FCHO2: variants seen among roughly 807,000 people sequenced by gnomAD.
The protein encoded by FCHO2 is FCH and mu domain containing endocytic adaptor 2.
In FCHO2, 43 loss-of-function variants were observed where a neutral mutation model predicts 114.1. The ratio of observed to expected loss-of-function variants is 0.38; its 90% CI spans 0.30 to 0.49. The LOEUF is 0.49. Ranked by LOEUF, FCHO2 falls within the 20% of genes least tolerant of loss-of-function variation. The pLI, the probability that FCHO2 is intolerant of heterozygous loss-of-function variation, is 0.97. For missense variants in FCHO2, 807 were observed against 950.4 expected (o/e 0.85, Z 1.98); for synonymous variants, 293 against 315.2 (o/e 0.93, Z 0.75).
intron 8 of FCHO2, chr5:73,020,900 T>A (rs1755581501): frequency 8.1e-7 from 1 of 1,240,722 alleles, no homozygotes; most frequent in African/African-American, 1.5e-5. Context: ...CGGGAGAGCT[T>A]ATCATCTTTA....
rs1276323488 is a variant in FCHO2 at position 73,090,137 on chromosome 5, T to C, written c.*2047T>C. 6.6e-6 allele frequency: 1 copy of C among 152,618 alleles called. No homozygotes were observed. The highest frequency in any genetic ancestry group is 2.4e-5 in the African/African-American group (1 of 41,460). 9.5% of individuals were successfully genotyped at this position (152,618 alleles called of 1,614,324 possible). On this transcript the variant is annotated 3_prime_UTR_variant, in exon 26 of 26. Coordinates refer to ENST00000430046, the MANE Select transcript of FCHO2 (RefSeq NM_138782.3). ...GTGAAATGGTTAAACTTCTGCACTT[T>C]CTTAGTTACCACAGTCTTCATACCA...
intron 10 of FCHO2, chr5:73,038,218 A>G (rs1735465222): frequency 6.6e-6 from 1 of 152,316 alleles, no homozygotes; most frequent in African/African-American, 2.4e-5. Context: ...AAATAAATAC[A>G]CCTATGCCAG....
At chr5:73,045,033 C>T (rs1408475773) in intron 11 of FCHO2, among the ~76,000 whole-genome samples, 3 of 152,146 alleles carry the variant, frequency 2.0e-5, no homozygotes, top group African/African-American at 7.2e-5. Flanking sequence ...AGAATCACTG[C>T]TTTTAAGAAA....
intron 17 of FCHO2, 35 bp from the exon 18 acceptor site, chr5:73,063,806 G>T: frequency 6.4e-7 from 1 of 1,569,484 alleles, no homozygotes; most frequent in South Asian, 1.1e-5. Context: ...ACATACTAAT[G>T]ATTTTCTTCA....
At chr5:73,082,325 T>C (rs1293262232) in intron 23 of FCHO2, among the ~76,000 whole-genome samples, 1 of 151,468 alleles carries the variant, frequency 6.6e-6, no homozygotes, top group Admixed American at 6.6e-5. Context: ...ATCTGGCAAG[T>C]CTATAGGAAC....
intron 11 of FCHO2, among the ~76,000 whole-genome samples, chr5:73,048,967 C>T (rs372084027): frequency 2.1e-4 from 31 of 149,256 alleles, no homozygotes; most frequent in African/African-American, 6.4e-4. Flanking sequence ...AGCTCCGCCT[C>T]CCGGGTTCAC....
intron 8 of FCHO2, among the ~76,000 whole-genome samples, chr5:73,021,992 T>G (rs1755654298): frequency 6.6e-6 from 1 of 152,180 alleles, no homozygotes; most frequent in Non-Finnish European, 1.5e-5. Flanking sequence ...ATGAGGGAAA[T>G]GTTCAGAGGT....
chr5:73,024,599 T>G (rs1755816907), intron 8 of FCHO2, among the ~76,000 whole-genome samples: 2 of 151,826 alleles, frequency 1.3e-5, no homozygotes, highest in African/African-American at 4.8e-5. Flanking sequence ...CCACCACACC[T>G]GGCTAATTTT....
intron 2 of FCHO2, among the ~76,000 whole-genome samples, chr5:72,980,530 A>G (rs533608314): frequency 1.1e-4 from 17 of 152,208 alleles, no homozygotes; most frequent in African/African-American, 3.9e-4. Flanking sequence ...TTACCTGTCT[A>G]ATATTGACAG....
chr5:72,979,304 G>A (rs890250953), intron 2 of FCHO2, among the ~76,000 whole-genome samples: 57 of 146,596 alleles, frequency 3.9e-4, no homozygotes, highest in African/African-American at 1.3e-3. Context: ...TTATCGATCT[G>A]TCCAGGGATT....
At chr5:73,001,845 A>G (rs1394333872) in intron 5 of FCHO2, among the ~76,000 whole-genome samples, 1 of 151,744 alleles carries the variant, frequency 6.6e-6, no homozygotes, top group Non-Finnish European at 1.5e-5. Context: ...AGGCTAAAGT[A>G]CTTGAGCCCA....
In FCHO2 at chr5:72,990,503, T is replaced by C; in HGVS notation, c.226T>C (p.Phe76Leu). ...AACATTTGCACCAGTATGGGATGTA[T>C]TCAAAACATCTACAGAGAAATTAGC... Reference protein sequence around the residue: ...LGTFAPVWDVFKTSTEKLANC... With the variant: ...LGTFAPVWDVLKTSTEKLANC... Residue 76 changes from phenylalanine to leucine, a missense_variant, in exon 4 of 26, where the codon TTC becomes CTC. By Grantham distance (22) the Phe-to-Leu change is conservative (BLOSUM62 0). Transcript: ENST00000430046. 1 of 1,529,054 alleles carries C rather than the reference T, an allele frequency of 6.5e-7. No individual in the cohort carries two copies. Among genetic ancestry groups the C allele is most frequent in the Non-Finnish European group, 8.8e-7 (1 of 1,140,816 alleles). 94.7% of individuals were successfully genotyped at this position (1,529,054 alleles called of 1,614,324 possible).
At chr5:72,996,500 CAG>C (rs1334230458) in intron 5 of FCHO2, among the ~76,000 whole-genome samples, 1 of 152,026 alleles carries the variant, frequency 6.6e-6, no homozygotes, top group Non-Finnish European at 1.5e-5. Context: ...TCTGTAAAAA[CAG>C]AAAAAAGCTA....
chr5:73,017,282 CA>C lies in FCHO2; in HGVS notation c.774del (p.Gly259AlafsTer24), dbSNP rs1262178105. On this transcript the variant is annotated frameshift_variant, in exon 8 of 26. Coordinates refer to ENST00000430046, the MANE Select transcript of FCHO2 (RefSeq NM_138782.3). LOFTEE classifies it high-confidence loss of function. ...VESLIQKFAE[S>X]KGTGKERPGL... The stretch of plus-strand genomic sequence containing the variant: ...AGTTTGATACAAAAATTTGCTGAGT[CA>C]AAAGGCACTGGGAAGGAAAGACCTG... The C allele has an allele frequency of 2.6e-6, 4 of 1,564,912 alleles. No homozygotes were observed. Among genetic ancestry groups the C allele is most frequent in the East Asian group, 2.4e-5 (1 of 42,454 alleles).
rs367738336 is a variant in FCHO2, at chr5:72,990,954, C to G, written c.495+90C>G. ...ACATTTAGATCAAACTGAAAATTAT[C>G]TCATTTTAAAGATGAAGACACTGTG... On this transcript the variant is annotated intron_variant, in intron 5 of 25. Coordinates refer to ENST00000430046, the MANE Select transcript of FCHO2 (RefSeq NM_138782.3). 1.1e-4 allele frequency: 157 copies of G among 1,391,154 alleles called. No homozygotes were observed. In the South Asian group the frequency reaches 2.4e-3, roughly 21 times the overall value. The allele number at this position is 1,391,154 out of a possible 1,614,324, so 86.2% of individuals were successfully genotyped here. A position where few individuals can be genotyped will look rare whatever the true frequency, so the allele number is the denominator to read the frequency against.
chr5:73,082,692 T>G (rs1355751230), intron 23 of FCHO2, 69 bp from the exon 24 acceptor site: 4 of 1,189,708 alleles, frequency 3.4e-6, no homozygotes, highest in Non-Finnish European at 4.8e-6. Context: ...CACTTATTTA[T>G]TGAGGTCCCA....
At chr5:73,034,626 A>C in intron 8 of FCHO2, 31 bp from the exon 9 acceptor site, 3 of 1,558,552 alleles carry the variant, frequency 1.9e-6, no homozygotes, top group Non-Finnish European at 2.6e-6. Flanking sequence ...GTTTTTTTCT[A>C]CTAGAAGTTT....
intron 9 of FCHO2, among the ~76,000 whole-genome samples, chr5:73,036,126 G>T (rs1026175359): frequency 2.6e-5 from 4 of 151,208 alleles, no homozygotes; most frequent in Admixed American, 1.3e-4. Flanking sequence ...GATTATAGGC[G>T]AGATCCACCA....
chr5:73,052,127 G>T (rs1757366856), intron 12 of FCHO2, among the ~76,000 whole-genome samples: 1 of 152,024 alleles, frequency 6.6e-6, no homozygotes, highest in African/African-American at 2.4e-5. Flanking sequence ...GTTTCACCGT[G>T]TTAGCCAGGA....
Sources: gnomAD v4.1 joint callset for allele counts (sites outside exome capture counted in the v4.1 genomes callset) on GRCh38, gnomAD v4.1.1 for gene constraint, MANE v1.5 for transcripts, NCBI Gene and HGNC (gene_info 2026-07-23, HGNC 2026-07-21) for gene names.